MUC7: variants seen among roughly 807,000 people sequenced by gnomAD.
MUC7 encodes the protein mucin 7, secreted, also known as mucin-7.
Under a neutral mutation model 2.5 loss-of-function variants are expected in MUC7, and 2 were observed. That is an observed-to-expected ratio of 0.81 (90% CI 0.33 to 2.55). MUC7 has a LOEUF of 2.55. Ranked by LOEUF, MUC7 falls within the 30% of genes most tolerant of loss-of-function variation. MUC7 has a pLI of 0.11. For missense variants in MUC7, 408 were observed against 455.6 expected (o/e 0.90, Z 0.95); for synonymous variants, 133 against 173.4 (o/e 0.77, Z 1.83).
At chr4:70,468,805 C>A (rs1418699495), upstream of MUC7, among the ~76,000 whole-genome samples, 8 of 152,096 alleles carry the variant, frequency 5.3e-5, no homozygotes, top group Non-Finnish European at 5.9e-5. Context: ...CAGGAAGAAT[C>A]AATATCATCA....
At chr4:70,464,447 G>C (rs529509740) in intron 1 of MUC7, among the ~76,000 whole-genome samples, 2 of 152,096 alleles carry the variant, frequency 1.3e-5, no homozygotes, top group Admixed American at 6.6e-5. Context: ...CCAAGTGGTC[G>C]AGCTCAGTGG....
intron 1 of MUC7, among the ~76,000 whole-genome samples, chr4:70,435,320 T>C (rs1040386577): frequency 6.6e-5 from 10 of 152,192 alleles, no homozygotes; most frequent in African/African-American, 2.4e-4. Flanking sequence ...GTCTCCATTA[T>C]TATTGTGTTG....
Position 70,482,757 on chromosome 4 carries a change from T to C in MUC7, c.*879T>C, listed in dbSNP as rs1026748244. 2 of 152,244 alleles carry C rather than the reference T, an allele frequency of 1.3e-5. No homozygotes were observed. Among genetic ancestry groups the C allele is most frequent in the Non-Finnish European group, 2.9e-5 (2 of 68,030 alleles). 9.4% of individuals were successfully genotyped at this position (152,244 alleles called of 1,614,324 possible). ...ATGGAATATTTTCTAAAACATTTAG[T>C]ATACATTTGAATGTATTTTAAACCA... On this transcript the variant is annotated 3_prime_UTR_variant, in exon 3 of 3. Transcript: ENST00000304887.
intron 2 of MUC7, among the ~76,000 whole-genome samples, chr4:70,474,638 G>A (rs1324239736): frequency 6.6e-6 from 1 of 152,128 alleles, no homozygotes; most frequent in Non-Finnish European, 1.5e-5. Flanking sequence ...TATCTATAGA[G>A]CACAAACTTT....
Position 70,481,439 on chromosome 4 carries a change from C to T in MUC7, c.695C>T (p.Pro232Leu), listed in dbSNP as rs754099321. 19 of 1,503,564 alleles carry T rather than the reference C, an allele frequency of 1.3e-5. No individual in the cohort carries two copies. Among genetic ancestry groups the T allele is most frequent in the Non-Finnish European group, 1.5e-5 (17 of 1,124,904 alleles). The allele number at this position is 1,503,564 out of a possible 1,614,324, so 93.1% of individuals were successfully genotyped here. Residue 232 changes from proline (P) to leucine (L), a missense_variant, in exon 3 of 3, where the codon CCA becomes CTA. This residue lies in a region of MUC7 where 175 missense variants were observed against 187.1 expected (regional missense o/e 0.94). Coordinates refer to ENST00000304887, the MANE Select transcript of MUC7 (RefSeq NM_152291.3). ...GCTCCACCATCTTCCTCAGCTCCAC[C>T]AGAGACCACAGCTGCCCCACCCACA... Reference protein sequence around the residue: ...TPAPPSSSAPPETTAAPPTPS... With the variant: ...TPAPPSSSAPLETTAAPPTPS...
At chr4:70,447,764 G>A (rs1734181533) in intron 1 of MUC7, among the ~76,000 whole-genome samples, 1 of 152,076 alleles carries the variant, frequency 6.6e-6, no homozygotes, top group Admixed American at 6.6e-5. Context: ...ATCCCCTCAA[G>A]CATTTATCCC....
chr4:70,434,722 T>C (rs62322540), intron 1 of MUC7, among the ~76,000 whole-genome samples: 2,269 of 152,316 alleles, frequency 0.015, 36 homozygotes, highest in South Asian at 0.039. Context: ...TCAGTTCTGA[T>C]CTTAATAATT....
chr4:70,453,774 C>T (rs1734350201), intron 1 of MUC7, among the ~76,000 whole-genome samples: 1 of 152,164 alleles, frequency 6.6e-6, no homozygotes, highest in South Asian at 2.1e-4. Flanking sequence ...TCACCCACAG[C>T]AGAAATAACC....
chr4:70,466,222 C>A (rs1288064523), intron 1 of MUC7, among the ~76,000 whole-genome samples: 1 of 152,122 alleles, frequency 6.6e-6, no homozygotes, highest in Non-Finnish European at 1.5e-5. Flanking sequence ...GAGATTTTGT[C>A]ACCACCAGGC....
chr4:70,465,915 T>C (rs375328954), intron 1 of MUC7, among the ~76,000 whole-genome samples: 8 of 152,130 alleles, frequency 5.3e-5, no homozygotes, highest in East Asian at 3.8e-4. Context: ...AGGATACTCA[T>C]TGAGAAGAAC....
chr4:70,464,222 A>T (rs914960515), intron 1 of MUC7, among the ~76,000 whole-genome samples: 2 of 152,184 alleles, frequency 1.3e-5, no homozygotes, highest in African/African-American at 4.8e-5. Context: ...TGGCCCAGAT[A>T]CTATTCTTTT....
chr4:70,467,797 C>A (rs1332899293), upstream of MUC7, among the ~76,000 whole-genome samples: 1 of 152,074 alleles, frequency 6.6e-6, no homozygotes, highest in Non-Finnish European at 1.5e-5. Context: ...AAGTTTAGGA[C>A]CAGACAGATT....
At chr4:70,473,187 A>C (rs146061652) in intron 1 of MUC7, among the ~76,000 whole-genome samples, 3 of 152,098 alleles carry the variant, frequency 2.0e-5, no homozygotes, top group Non-Finnish European at 2.9e-5. Flanking sequence ...GTAATCCCAG[A>C]ATTTTGGGAG....
chr4:70,441,154 C>T (rs920286829), intron 1 of MUC7, among the ~76,000 whole-genome samples: 1 of 152,104 alleles, frequency 6.6e-6, no homozygotes, highest in Non-Finnish European at 1.5e-5. Context: ...GAGAAGCAGA[C>T]AGATTATATC....
intron 1 of MUC7, among the ~76,000 whole-genome samples, chr4:70,447,251 T>G (rs976249792): frequency 3.3e-5 from 5 of 152,108 alleles, no homozygotes; most frequent in Non-Finnish European, 7.4e-5. Flanking sequence ...ATACATAAAA[T>G]GGGGATAACA....
chr4:70,439,062 T>C (rs1465370409), intron 1 of MUC7, among the ~76,000 whole-genome samples: 1 of 152,186 alleles, frequency 6.6e-6, no homozygotes. Context: ...GAAATTGTTT[T>C]AGACAGTGAT....
chr4:70,463,768 C>T (rs1250933380), intron 1 of MUC7, among the ~76,000 whole-genome samples: 1 of 152,098 alleles, frequency 6.6e-6, no homozygotes, highest in Non-Finnish European at 1.5e-5. Flanking sequence ...TAAAATAGCC[C>T]TCCCGCTATG....
At chr4:70,478,825 T>C (rs148760435) in intron 2 of MUC7, among the ~76,000 whole-genome samples, 3 of 135,424 alleles carry the variant, frequency 2.2e-5, no homozygotes, top group South Asian at 2.3e-4. Context: ...ACCCCTGTAA[T>C]GGAAAGGATC....
intron 1 of MUC7, among the ~76,000 whole-genome samples, chr4:70,438,512 A>C (rs1481679956): frequency 6.6e-6 from 1 of 152,136 alleles, no homozygotes; most frequent in Non-Finnish European, 1.5e-5. Context: ...GTTGGAGTGC[A>C]GTGGCGCAAT....
Sources: gnomAD v4.1 joint callset for allele counts (sites outside exome capture counted in the v4.1 genomes callset) on GRCh38, gnomAD v4.1.1 for gene constraint, gnomAD v4.1.1 regional missense constraint, MANE v1.5 for transcripts, NCBI Gene and HGNC (gene_info 2026-07-23, HGNC 2026-07-21) for gene names.